SCN10A: variants seen among roughly 807,000 people sequenced by gnomAD.
SCN10A encodes sodium voltage-gated channel alpha subunit 10.
Under a neutral mutation model 170.7 loss-of-function variants are expected in SCN10A, and 162 were observed. The observed-to-expected ratio is 0.95, with a 90% CI of 0.84 to 1.08. SCN10A has a LOEUF of 1.08. SCN10A is among the 50% of genes least tolerant of loss of function. The pLI, the probability that SCN10A is intolerant of heterozygous loss-of-function variation, is 0.00. For synonymous variants in SCN10A, 985 were observed against 904.6 expected, an observed-to-expected ratio of 1.09 and a Z score of -1.59; for missense variants, 2,527 against 2,436.9, an observed-to-expected ratio of 1.04 and a Z score of -0.78.
Position 38,698,386 on chromosome 3 carries a change from G to T in SCN10A, c.4834C>A (p.Leu1612Met). Residue 1612 changes from leucine to methionine, a missense_variant, in exon 28 of 28, where the codon CTG (leucine) becomes ATG (methionine). Leu to Met is a conservative substitution (Grantham distance 15, BLOSUM62 2). Coordinates refer to ENST00000449082, the MANE Select transcript of SCN10A (RefSeq NM_006514.4). The part of the protein sequence containing the change: ...MSLPALFNIG[L>M]LLFLVMFIYS... Reference sequence around the variant, plus strand: ...ATGAACATGACAAGGAATAGCAACAGCCCGATGTTGAAGAGGGCAGGCAGG... The same window carrying T: ...ATGAACATGACAAGGAATAGCAACATCCCGATGTTGAAGAGGGCAGGCAGG... The T allele has an allele frequency of 6.2e-7, 1 of 1,614,198 alleles. No homozygotes were observed. Among genetic ancestry groups the T allele is most frequent in the South Asian group, 1.1e-5 (1 of 91,078 alleles).
At position 38,718,662 on chromosome 3, in the gene SCN10A, G is replaced by A. The variant is rs1180201458; in HGVS notation, c.3672C>T (p.Leu1224=). The stretch of plus-strand genomic sequence containing the variant: ...CCACTGAGCCACTCACATTCACAAT[G>A]AGGAAGTCCAGCCAGCACCAGGCAT... ...FTNAWCWLDF[L]IVNISLISLT... The change falls in exon 21 of 28, where the codon CTC becomes CTT. Residue 1224 remains leucine, a synonymous_variant. Coordinates refer to ENST00000449082, the MANE Select transcript of SCN10A (RefSeq NM_006514.4). 3 of 1,614,172 alleles carry A rather than the reference G, an allele frequency of 1.9e-6. No individual in the cohort carries two copies. Among genetic ancestry groups the A allele is most frequent in the East Asian group, 2.2e-5 (1 of 44,888 alleles).
At chr3:38,740,781 T>G (rs2063622497) in intron 14 of SCN10A, among the ~76,000 whole-genome samples, 1 of 152,160 alleles carries the variant, frequency 6.6e-6, no homozygotes. Context: ...GCACATGACT[T>G]TCTTGCTTTA....
At chr3:38,786,012 G>T (rs1291884721) in intron 4 of SCN10A, among the ~76,000 whole-genome samples, 4 of 152,008 alleles carry the variant, frequency 2.6e-5, no homozygotes, top group Non-Finnish European at 5.9e-5. Context: ...AGATAGGAAT[G>T]CTTTTACACT....
At chr3:38,762,378 G>C (rs897238028) in intron 6 of SCN10A, among the ~76,000 whole-genome samples, 1 of 152,134 alleles carries the variant, frequency 6.6e-6, no homozygotes, top group Non-Finnish European at 1.5e-5. Flanking sequence ...GAATGGGGTG[G>C]GTGGAGTGTG....
intron 1 of SCN10A, among the ~76,000 whole-genome samples, chr3:38,796,859 T>TAAGTAAGTGA (rs750563503): frequency 1.3e-5 from 2 of 152,098 alleles, no homozygotes; most frequent in Non-Finnish European, 2.9e-5. Context: ...TCTACCAAAT[T>TAAGTAAGTGA]GTAAGCTCAG....
chr3:38,805,535 T>C (rs762634878), intron 1 of SCN10A, among the ~76,000 whole-genome samples: 7 of 152,170 alleles, frequency 4.6e-5, no homozygotes, highest in Non-Finnish European at 8.8e-5. Flanking sequence ...TACTGATATG[T>C]GTCAAGCTAA....
At chr3:38,732,618 G>A (rs1356464274) in intron 15 of SCN10A, among the ~76,000 whole-genome samples, 1 of 152,150 alleles carries the variant, frequency 6.6e-6, no homozygotes, top group Non-Finnish European at 1.5e-5. Flanking sequence ...TCATGTGGTG[G>A]GCAACAAGGA....
At chr3:38,809,746 G>A (rs1200152245) in intron 1 of SCN10A, among the ~76,000 whole-genome samples, 1 of 152,098 alleles carries the variant, frequency 6.6e-6, no homozygotes, top group Non-Finnish European at 1.5e-5. Context: ...ACAAGAAGCC[G>A]TGTTCCTTAT....
chr3:38,731,565 T>C (rs1387494079), intron 15 of SCN10A, among the ~76,000 whole-genome samples: 1 of 152,124 alleles, frequency 6.6e-6, no homozygotes, highest in African/African-American at 2.4e-5. Context: ...GGATAGCAGA[T>C]AGGTAAAGAA....
intron 1 of SCN10A, among the ~76,000 whole-genome samples, chr3:38,797,240 G>A (rs1056523726): frequency 1.3e-5 from 2 of 152,070 alleles, no homozygotes; most frequent in African/African-American, 4.8e-5. Context: ...TATAGACACT[G>A]CTTATTGTCA....
chr3:38,793,704 A>G, intron 2 of SCN10A, 37 bp downstream of exon 2: 1 of 1,592,722 alleles, frequency 6.3e-7, no homozygotes, highest in Non-Finnish European at 8.6e-7. Context: ...TTCCTCTCCA[A>G]GAGCTGAGAG....
At chr3:38,761,460 C>T (rs1247536596) in intron 6 of SCN10A, 77 bp from the exon 7 acceptor site, 30 of 1,271,584 alleles carry the variant, frequency 2.4e-5, no homozygotes, top group Non-Finnish European at 3.2e-5. Flanking sequence ...CTTAGCCATC[C>T]TCCTTCATCT....
intron 15 of SCN10A, among the ~76,000 whole-genome samples, chr3:38,736,963 G>GTTTTTTTTTTTTTTTTTTTTTTTTTT (rs71085334): frequency 8.6e-5 from 4 of 46,684 alleles, no homozygotes; most frequent in African/African-American, 3.1e-4. Context: ...AGAAATGTTC[G>GTTTTTTTTTTTTTTTTTTTTTTTTTT]TTTTTTTTTT....
intron 4 of SCN10A, among the ~76,000 whole-genome samples, chr3:38,777,736 G>T (rs756912570): frequency 2.0e-5 from 3 of 152,062 alleles, no homozygotes; most frequent in Admixed American, 2.0e-4. Context: ...CTCAGGATGT[G>T]ACAATGAGAT....
intron 27 of SCN10A, among the ~76,000 whole-genome samples, chr3:38,699,721 T>A (rs938741325): frequency 1.3e-5 from 2 of 152,038 alleles, no homozygotes; most frequent in Non-Finnish European, 2.9e-5. Context: ...CTACATACTC[T>A]GGTAAAATTT....
chr3:38,785,183 A>G (rs1353726184), intron 4 of SCN10A, among the ~76,000 whole-genome samples: 3 of 152,210 alleles, frequency 2.0e-5, no homozygotes, highest in African/African-American at 4.8e-5. Context: ...AGACAATTCT[A>G]AGCAAAAAGA....
At chr3:38,763,478 A>G (rs776654856) in intron 6 of SCN10A, 27 bp downstream of exon 6, 18 of 1,567,170 alleles carry the variant, frequency 1.1e-5, no homozygotes, top group Non-Finnish European at 1.6e-5. Flanking sequence ...GTGAAAACCA[A>G]CATATGCTCT....
chr3:38,797,370 T>G (rs1174654426), intron 1 of SCN10A, among the ~76,000 whole-genome samples: 1 of 152,198 alleles, frequency 6.6e-6, no homozygotes, highest in Non-Finnish European at 1.5e-5. Flanking sequence ...ACACCATTCC[T>G]CTTCCTTAAT....
intron 8 of SCN10A, among the ~76,000 whole-genome samples, chr3:38,760,087 A>G (rs766831850): frequency 5.9e-5 from 9 of 152,316 alleles, no homozygotes; most frequent in Admixed American, 3.9e-4. Flanking sequence ...ACCCTTTCCA[A>G]TGTGACTTTT....
Sources: allele counts gnomAD v4.1 joint callset (sites outside exome capture counted in the v4.1 genomes callset), GRCh38; gene constraint gnomAD v4.1.1; transcripts MANE v1.5; gene names NCBI Gene and HGNC (gene_info 2026-07-23, HGNC 2026-07-21).